TUBGCP2: variants seen among roughly 807,000 people sequenced by gnomAD.
The protein encoded by TUBGCP2 is gamma-tubulin complex component 2.
In TUBGCP2, 55 loss-of-function variants were observed where a neutral mutation model predicts 92.2. The observed-to-expected ratio is 0.60, with a 90% CI of 0.48 to 0.75. TUBGCP2 has a LOEUF of 0.75. Among genes scored for constraint, TUBGCP2 ranks in the 30% least tolerant of loss-of-function variants. The pLI, the probability that TUBGCP2 is intolerant of heterozygous loss-of-function variation, is 0.00. For synonymous variants in TUBGCP2, 533 were observed against 505.2 expected, an observed-to-expected ratio of 1.06 and a Z score of -0.74; for missense variants, 1,093 against 1,188.9, an observed-to-expected ratio of 0.92 and a Z score of 1.19.
Position 133,293,591 on chromosome 10 carries a change from T to C in TUBGCP2, c.795A>G (p.Pro265=). Residue 265 remains proline (P), a synonymous_variant, in exon 6 of 18, where the codon CCA becomes CCG. Coordinates refer to ENST00000252936, the MANE Select transcript of TUBGCP2 (RefSeq NM_006659.4). ...SIRELVHRIL[P]VAASYSAVTR... ...TCACAGCGGAGTAGCTGGCGGCCAC[T>C]GGGAGGATCCTGTGCACCAGCTCCC... is the stretch of plus-strand genomic sequence containing the variant. The C allele has an allele frequency of 6.4e-7, 1 of 1,555,852 alleles. No homozygotes were observed.
chr10:133,292,970 C>T, intron 7 of TUBGCP2, 69 bp downstream of exon 7: 2 of 1,552,246 alleles, frequency 1.3e-6, no homozygotes, highest in Non-Finnish European at 8.8e-7. Context: ...AGAGTCTCTC[C>T]TCACACTGGG....
At chr10:133,302,655 G>C (rs75826211) in intron 2 of TUBGCP2, 137 bp downstream of exon 2, 15,351 of 1,074,140 alleles carry the variant, frequency 0.014, 630 homozygotes, top group African/African-American at 0.13. Flanking sequence ...ACCCAGGAAT[G>C]GTGCTCACCC....
intron 8 of TUBGCP2, 108 bp from the exon 9 acceptor site, chr10:133,290,077 C>G: frequency 6.9e-7 from 1 of 1,449,712 alleles, no homozygotes; most frequent in East Asian, 2.3e-5. Flanking sequence ...GGCCAGCACA[C>G]TTCCAAGTAA....
At chr10:133,311,053 C>G (rs1252430590), upstream of TUBGCP2, among the ~76,000 whole-genome samples, 1 of 152,244 alleles carries the variant, frequency 6.6e-6, no homozygotes, top group Non-Finnish European at 1.5e-5. Flanking sequence ...CCATCTGCCT[C>G]AGCCTCCCAA....
chr10:133,285,096 G>A lies in TUBGCP2; in HGVS notation c.2013C>T (p.His671=), dbSNP rs1268244406. Residue 671 remains histidine (H), a synonymous_variant, in exon 13 of 18, where the codon CAC becomes CAT. Transcript: ENST00000252936. The surrounding 1 kb of genome is among the most constrained non-coding windows in gnomAD (Gnocchi z 6.8). ...SNKTAKQHSL[H]SAQWFAGAFT... ...GAGGAAGAACGCACCACTGGGCGGAGTGCAGCGAGTGCTGCTTGGCGGTTT... is the reference window on the plus strand; with the variant it reads ...GAGGAAGAACGCACCACTGGGCGGAATGCAGCGAGTGCTGCTTGGCGGTTT... 3 of 1,607,466 alleles carry A rather than the reference G, an allele frequency of 1.9e-6. No homozygotes were observed. The highest frequency in any genetic ancestry group is 2.6e-6 in the Non-Finnish European group (3 of 1,175,404).
chr10:133,309,891 G>A, upstream of TUBGCP2: 2 of 1,613,736 alleles, frequency 1.2e-6, no homozygotes, highest in Non-Finnish European at 1.7e-6. Flanking sequence ...TTGCAAGCGG[G>A]CCTTCCCTTC....
At position 133,302,982 on chromosome 10, in the gene TUBGCP2, T is replaced by A; in HGVS notation, c.-39-2A>T. 6.2e-7 allele frequency: 1 copy of A among 1,611,812 alleles called. No individual in the cohort carries two copies. Among genetic ancestry groups the A allele is most frequent in the Non-Finnish European group, 8.5e-7 (1 of 1,178,130 alleles). ...GCACGAACATCACAATATGTTCTCC[T>A]ATAGGTAAGAAGACAGCTATTCATA... On this transcript the variant is annotated splice_acceptor_variant, in intron 1 of 17. Transcript: ENST00000252936. LOFTEE classifies it low-confidence loss of function (5UTR_SPLICE).
intron 13 of TUBGCP2, 67 bp from the exon 14 acceptor site, chr10:133,284,069 A>G: frequency 6.3e-7 from 1 of 1,577,706 alleles, no homozygotes; most frequent in Non-Finnish European, 8.6e-7. Flanking sequence ...ACCAAGTGAC[A>G]CGGAGGACGG....
At chr10:133,292,761 G>GC in intron 7 of TUBGCP2, 73 bp from the exon 8 acceptor site, 1 of 1,505,616 alleles carries the variant, frequency 6.6e-7, no homozygotes, top group East Asian at 2.4e-5. Context: ...CACTGCTGGG[G>GC]CCCCTCATGC....
chr10:133,299,076 C>T (rs1419233306), intron 4 of TUBGCP2, among the ~76,000 whole-genome samples: 1 of 152,184 alleles, frequency 6.6e-6, no homozygotes, highest in African/African-American at 2.4e-5. Context: ...GATCTGAAAG[C>T]ATTCCCTCAA....
chr10:133,309,215 G>C, upstream of TUBGCP2: 2 of 1,339,960 alleles, frequency 1.5e-6, no homozygotes, highest in Non-Finnish European at 2.0e-6. Flanking sequence ...CCGGAGCCTG[G>C]GACAGGCGGG....
intron 5 of TUBGCP2, among the ~76,000 whole-genome samples, chr10:133,294,777 G>A (rs1206205224): frequency 6.6e-6 from 1 of 151,770 alleles, no homozygotes; most frequent in Non-Finnish European, 1.5e-5. Context: ...CACCATTCCT[G>A]GCTAATTTTT....
chr10:133,310,307 C>T (rs1182543470), upstream of TUBGCP2: 9 of 1,612,954 alleles, frequency 5.6e-6, no homozygotes, highest in Admixed American at 1.7e-5. Flanking sequence ...CCGCCAGGCT[C>T]AGCACGTGTC....
chr10:133,293,437 C>T lies in TUBGCP2; in HGVS notation c.824+125G>A, dbSNP rs190044861. 3,696 of 1,259,434 alleles carry T rather than the reference C, an allele frequency of 2.9e-3. 18 individuals are homozygous for T. Among genetic ancestry groups the T allele is most frequent in the Middle Eastern group, 0.019 (69 of 3,726 alleles). The allele number at this position is 1,259,434 out of a possible 1,614,324, so 78.0% of individuals were successfully genotyped here. ...AGACCCTCCAAAACTGAGTTGGGCACGGAGTTGTCACCAAGGCGGGCGCTC... is the reference window on the plus strand; with the variant it reads ...AGACCCTCCAAAACTGAGTTGGGCATGGAGTTGTCACCAAGGCGGGCGCTC... On this transcript the variant is annotated intron_variant, in intron 6 of 17. Transcript: ENST00000252936.
chr10:133,285,216 G>T lies in TUBGCP2; in HGVS notation c.1896-3C>A. ...TCTGGTAGCGAGTGAGGGCTTTCCT[G>T]CAAGAGACGTGGCGGCACCTCAGGT... On this transcript the variant is annotated splice_region_variant and splice_polypyrimidine_tract_variant and intron_variant, in intron 12 of 17. Transcript: ENST00000252936. The surrounding 1 kb of genome is among the most constrained non-coding windows in gnomAD (Gnocchi z 6.8). The T allele has an allele frequency of 6.2e-7, 1 of 1,611,792 alleles. No homozygotes were observed. Among genetic ancestry groups the T allele is most frequent in the Non-Finnish European group, 8.5e-7 (1 of 1,179,970 alleles).
chr10:133,301,617 A>C (rs904337229), intron 2 of TUBGCP2: 1 of 152,004 alleles, frequency 6.6e-6, no homozygotes, highest in African/African-American at 2.4e-5. Flanking sequence ...TTTACTGAAA[A>C]TCTATACTTC....
At chr10:133,282,040 A>T (rs1381863432) in intron 16 of TUBGCP2, among the ~76,000 whole-genome samples, 183 bp downstream of exon 16, 1 of 152,224 alleles carries the variant, frequency 6.6e-6, no homozygotes, top group African/African-American at 2.4e-5. Context: ...GGGACCAGAG[A>T]GCTGAGAAGA....
chr10:133,283,808 T>C, intron 14 of TUBGCP2, 74 bp downstream of exon 14: 1 of 1,587,558 alleles, frequency 6.3e-7, no homozygotes, highest in Non-Finnish European at 8.6e-7. Context: ...TCGCCCTGCC[T>C]CTCCTGCACT....
chr10:133,308,803 C>G lies in TUBGCP2; in HGVS notation c.-40+20G>C. The G allele has an allele frequency of 1.5e-6, 1 of 647,656 alleles. No individual in the cohort carries two copies. The highest frequency in any genetic ancestry group is 2.1e-6 in the Non-Finnish European group (1 of 467,822). 40.1% of individuals were successfully genotyped at this position (647,656 alleles called of 1,614,324 possible). A position where few individuals can be genotyped will look rare whatever the true frequency, so the allele number is the denominator to read the frequency against. ...CCAACCCCCTCATCACGCCCGCGCC[C>G]GCGTTCGGCCAGGACTCACCGCAGT... On this transcript the variant is annotated intron_variant, in intron 1 of 17. Transcript: ENST00000252936.
Sources: gnomAD v4.1 joint callset for allele counts (sites outside exome capture counted in the v4.1 genomes callset) on GRCh38, gnomAD v4.1.1 for gene constraint, Gnocchi (gnomAD v3.1) non-coding constraint, MANE v1.5 for transcripts, NCBI Gene and HGNC (gene_info 2026-07-23, HGNC 2026-07-21) for gene names.